NPLOC4: variants seen among roughly 807,000 people sequenced by gnomAD.
NPLOC4 encodes NPL4 homolog, ubiquitin recognition factor.
A neutral mutation model predicts 80.6 loss-of-function variants in NPLOC4; 18 were observed. That is an observed-to-expected ratio of 0.22 (90% CI 0.15 to 0.33). NPLOC4 has a LOEUF of 0.33. Ranked by LOEUF, NPLOC4 falls within the 10% of genes least tolerant of loss-of-function variation. NPLOC4 has a pLI of 1.00. For missense variants in NPLOC4, 540 were observed against 786.1 expected, an observed-to-expected ratio of 0.69 and a Z score of 3.74; for synonymous variants, 313 against 301.5, an observed-to-expected ratio of 1.04 and a Z score of -0.39.
chr17:81,590,874 G>A (rs969235220), intron 11 of NPLOC4, among the ~76,000 whole-genome samples: 1 of 152,186 alleles, frequency 6.6e-6, no homozygotes, highest in African/African-American at 2.4e-5. Flanking sequence ...GTGATGGCTG[G>A]CTTCAAAACC....
At chr17:81,594,802 T>TTTTA (rs1262882830) in intron 11 of NPLOC4, among the ~76,000 whole-genome samples, 5 of 151,742 alleles carry the variant, frequency 3.3e-5, no homozygotes, top group Admixed American at 6.6e-5. Context: ...AAAAATTAAC[T>TTTTA]GGGCGTGGTG....
chr17:81,580,256 C>T lies in NPLOC4; in HGVS notation c.1282-8168G>A, dbSNP rs970247833. Among the ~76,000 whole-genome samples the T allele has an allele frequency of 6.6e-6, 1 of 152,188 alleles. No individual in the cohort carries two copies. The highest frequency in any genetic ancestry group is 2.4e-5 in the African/African-American group (1 of 41,440). On this transcript the variant is annotated intron_variant, in intron 12 of 16. Transcript: ENST00000331134. This position sits in a 1 kb window ranked among gnomAD's most constrained non-coding sequence, Gnocchi z 4.4. ...GGGTGGTGCCTCTGCACTAGCACATCGCCGACAGATCCCCAGCCTTCCAGC... is the reference window on the plus strand; with the variant it reads ...GGGTGGTGCCTCTGCACTAGCACATTGCCGACAGATCCCCAGCCTTCCAGC...
intron 16 of NPLOC4, chr17:81,565,204 A>T: frequency 1.6e-6 from 1 of 632,064 alleles, no homozygotes; most frequent in Non-Finnish European, 2.8e-6. Context: ...TCTTAAGACA[A>T]TGATGTTCAA....
chr17:81,587,305 C>T (rs1222263300), intron 12 of NPLOC4, among the ~76,000 whole-genome samples: 1 of 152,144 alleles, frequency 6.6e-6, no homozygotes, highest in Admixed American at 6.6e-5. Context: ...GACACCCTGT[C>T]TCTTTATTTT....
intron 2 of NPLOC4, among the ~76,000 whole-genome samples, chr17:81,624,399 CAA>C (rs2035743927): frequency 1.3e-5 from 2 of 152,030 alleles, no homozygotes. Flanking sequence ...GCCTGGGCGA[CAA>C]GAGTGAAACT....
chr17:81,562,368 GTC>G (rs1397276383), intron 16 of NPLOC4: 2 of 152,002 alleles, frequency 1.3e-5, no homozygotes, highest in Non-Finnish European at 2.9e-5. Flanking sequence ...GAGAAACCCT[GTC>G]TCTACTAAAA....
intron 1 of NPLOC4, among the ~76,000 whole-genome samples, chr17:81,633,872 A>AT (rs35394558): frequency 0.45 from 65,272 of 143,542 alleles, 15,924 homozygotes; most frequent in East Asian, 0.77. Flanking sequence ...CGCCCAGCTA[A>AT]TTTTTTTTTT....
intron 4 of NPLOC4, among the ~76,000 whole-genome samples, chr17:81,610,470 AGTG>A (rs2035311600): frequency 6.6e-6 from 1 of 152,152 alleles, no homozygotes; most frequent in African/African-American, 2.4e-5. Context: ...GCTGGAGTGC[AGTG>A]GTGATCGTGG....
At chr17:81,613,934 C>G (rs1405567148) in intron 3 of NPLOC4, among the ~76,000 whole-genome samples, 1 of 152,006 alleles carries the variant, frequency 6.6e-6, no homozygotes, top group Non-Finnish European at 1.5e-5. Context: ...TCTCGGCGTT[C>G]ACATACACAC....
At chr17:81,614,275 CA>C (rs535340434) in intron 3 of NPLOC4, 4,753 of 60,038 alleles carry the variant, frequency 0.079, 161 homozygotes, top group East Asian at 0.33. Context: ...GGCTCCATCT[CA>C]AAAAAAAAAA....
chr17:81,579,550 C>T (rs910293649), intron 12 of NPLOC4, among the ~76,000 whole-genome samples: 1 of 152,024 alleles, frequency 6.6e-6, no homozygotes, highest in African/African-American at 2.4e-5. Context: ...TTCCTGTGAG[C>T]AAGCTGATCC....
intron 10 of NPLOC4, among the ~76,000 whole-genome samples, chr17:81,596,930 G>A (rs1316819869): frequency 6.6e-6 from 1 of 152,122 alleles, no homozygotes; most frequent in East Asian, 1.9e-4. Flanking sequence ...GGCTAACACA[G>A]TGAAACCCCA....
chr17:81,605,094 A>G (rs2035166588), intron 7 of NPLOC4, among the ~76,000 whole-genome samples: 1 of 151,272 alleles, frequency 6.6e-6, no homozygotes, highest in South Asian at 2.1e-4. Context: ...TCCCGTCTCT[A>G]TTTTTTTTGT....
chr17:81,568,413 A>C (rs548627398), intron 14 of NPLOC4, among the ~76,000 whole-genome samples: 8 of 152,372 alleles, frequency 5.3e-5, no homozygotes, highest in South Asian at 4.1e-4. Context: ...AGCATAGAAG[A>C]AGCTTTGTCA....
At chr17:81,591,119 A>G (rs149005915) in intron 11 of NPLOC4, among the ~76,000 whole-genome samples, 2 of 152,312 alleles carry the variant, frequency 1.3e-5, no homozygotes, top group African/African-American at 4.8e-5. Context: ...CACGGTGCAG[A>G]CATCTGGTTA....
chr17:81,569,867 A>T (rs896780835), intron 13 of NPLOC4, among the ~76,000 whole-genome samples: 3 of 152,238 alleles, frequency 2.0e-5, no homozygotes, highest in Non-Finnish European at 4.4e-5. Flanking sequence ...AAGAATCAAT[A>T]GAAATACCAC....
rs1291722794 is a variant in NPLOC4, at chr17:81,557,313, G to A, written c.*1946C>T. ...GGACAATAAAATAAAGTGCATTACT[G>A]AACAAAGAGTAACTCAAAACCAGAA... is the stretch of plus-strand genomic sequence containing the variant. On this transcript the variant is annotated 3_prime_UTR_variant, in exon 17 of 17. Coordinates refer to ENST00000331134, the MANE Select transcript of NPLOC4 (RefSeq NM_017921.4). 1 of 152,494 alleles carries A rather than the reference G, an allele frequency of 6.6e-6. No individual in the cohort carries two copies. The highest frequency in any genetic ancestry group is 1.5e-5 in the Non-Finnish European group (1 of 68,058). 9.4% of individuals were successfully genotyped at this position (152,494 alleles called of 1,614,324 possible). A position where few individuals can be genotyped will look rare whatever the true frequency, so the allele number is the denominator to read the frequency against.
intron 6 of NPLOC4, 127 bp from the exon 7 acceptor site, chr17:81,606,941 G>C (rs2035219611): frequency 1.3e-6 from 1 of 787,010 alleles, no homozygotes; most frequent in Admixed American, 2.1e-5. Context: ...GGCAGCAGCA[G>C]GGAAGATGGG....
chr17:81,564,954 G>A, intron 16 of NPLOC4: 1 of 293,954 alleles, frequency 3.4e-6, no homozygotes, highest in Admixed American at 5.1e-5. Context: ...AGGCACCACG[G>A]TGCGTGAGGA....
Sources: allele counts gnomAD v4.1 joint callset (sites outside exome capture counted in the v4.1 genomes callset), GRCh38; gene constraint gnomAD v4.1.1; non-coding constraint Gnocchi (gnomAD v3.1); transcripts MANE v1.5; gene names NCBI Gene and HGNC (gene_info 2026-07-23, HGNC 2026-07-21).